The following LARGE1 variants were observed in gnomAD, a reference collection of about 807,000 sequenced individuals.
The protein encoded by LARGE1 is LARGE xylosyl- and glucuronyltransferase 1, also known as xylosyl- and glucuronyltransferase LARGE1.
LARGE1 carries 43 observed loss-of-function variants against 87.6 expected under a neutral mutation model. The observed-to-expected ratio is 0.49, with a 90% confidence interval of 0.38 to 0.63. The LOEUF is 0.63. LARGE1 is among the 30% of genes least tolerant of loss of function. The pLI is 0.00. For synonymous variants in LARGE1, 434 were observed against 394.6 expected (o/e 1.10, Z -1.18); for missense variants, 802 against 1,000.2 (o/e 0.80, Z 2.67).
chr22:33,904,724 T>C (rs907763634), intron 1 of LARGE1, among the ~76,000 whole-genome samples: 4 of 145,262 alleles, frequency 2.8e-5, no homozygotes, highest in African/African-American at 9.8e-5. Context: ...AACATCACTA[T>C]GAGTTAGGTT....
intron 12 of LARGE1, among the ~76,000 whole-genome samples, chr22:33,288,477 C>T (rs1265328751): frequency 6.6e-6 from 1 of 152,178 alleles, no homozygotes; most frequent in Admixed American, 6.5e-5. Flanking sequence ...CACTATCTAG[C>T]TCTGCATATT....
chr22:33,573,413 T>C (rs2078263965), intron 5 of LARGE1, among the ~76,000 whole-genome samples: 1 of 152,200 alleles, frequency 6.6e-6, no homozygotes, highest in Admixed American at 6.5e-5. Flanking sequence ...CACTCCAGCC[T>C]GGGCAACAAA....
At chr22:33,283,500 G>A (rs994215813) in intron 12 of LARGE1, 152 bp from the exon 13 acceptor site, 4 of 825,262 alleles carry the variant, frequency 4.8e-6, no homozygotes, top group Non-Finnish European at 8.0e-6. Flanking sequence ...ACTGGGCCAG[G>A]TGCGATGGCT....
chr22:33,807,518 T>C (rs2086350631), intron 1 of LARGE1, among the ~76,000 whole-genome samples: 1 of 152,190 alleles, frequency 6.6e-6, no homozygotes, highest in Non-Finnish European at 1.5e-5. Context: ...GAGCCTACAT[T>C]GATACATCAT....
chr22:33,411,255 T>C (rs1290330672), intron 7 of LARGE1, among the ~76,000 whole-genome samples: 1 of 152,258 alleles, frequency 6.6e-6, no homozygotes, highest in Non-Finnish European at 1.5e-5. Flanking sequence ...GGTGTTGGAA[T>C]GCTGCAGCCA....
intron 1 of LARGE1, among the ~76,000 whole-genome samples, chr22:33,818,622 A>C (rs5754697): frequency 0.99 from 151,388 of 152,320 alleles, 75,231 homozygotes; most frequent in Middle Eastern, 1. Context: ...ATAAATTAAA[A>C]TTGTTCCTTC....
chr22:33,393,807 C>T (rs1445383252), intron 7 of LARGE1, among the ~76,000 whole-genome samples: 3 of 152,176 alleles, frequency 2.0e-5, no homozygotes, highest in Non-Finnish European at 2.9e-5. Flanking sequence ...GCATGTGACC[C>T]GCAGCACTTT....
chr22:33,520,442 C>T (rs1602232013), intron 6 of LARGE1, among the ~76,000 whole-genome samples: 1 of 152,186 alleles, frequency 6.6e-6, no homozygotes, highest in Non-Finnish European at 1.5e-5. Context: ...ATCCCACAAT[C>T]CCGCAGGGAG....
chr22:33,078,632 T>C, the LARGE1 span, among the ~76,000 whole-genome samples: 1 of 152,226 alleles, frequency 6.6e-6, no homozygotes, highest in Non-Finnish European at 1.5e-5. Context: ...TGTATTGCCC[T>C]CTATGTACTC....
chr22:33,683,310 C>T (rs1016698879), intron 2 of LARGE1, among the ~76,000 whole-genome samples: 4 of 152,240 alleles, frequency 2.6e-5, no homozygotes, highest in South Asian at 2.1e-4. Context: ...AACTGCCTGT[C>T]TGACAGCTGA....
At chr22:33,239,697 C>T (rs990333774) in intron 11 of LARGE1, among the ~76,000 whole-genome samples, 1 of 151,824 alleles carries the variant, frequency 6.6e-6, no homozygotes, top group African/African-American at 2.4e-5. Flanking sequence ...TGACACCGCA[C>T]CTGGCTAGTT....
At chr22:33,355,276 A>T (rs1940785356) in intron 9 of LARGE1, among the ~76,000 whole-genome samples, 1 of 152,188 alleles carries the variant, frequency 6.6e-6, no homozygotes, top group African/African-American at 2.4e-5. Flanking sequence ...TATTGTTCAC[A>T]TTATGTGGAA....
At chr22:33,836,679 G>A (rs1405720741) in intron 1 of LARGE1, among the ~76,000 whole-genome samples, 7 of 152,044 alleles carry the variant, frequency 4.6e-5, no homozygotes, top group Non-Finnish European at 1.0e-4. Context: ...AAGCCACCTG[G>A]GTTCAAGCCT....
rs1003464322 is a variant in LARGE1 at position 33,688,512 on chromosome 22, C to T, written c.107-37844G>A. Among the ~76,000 whole-genome samples, 8 of 152,000 alleles carry T rather than the reference C, an allele frequency of 5.3e-5. No homozygotes were observed. In the East Asian group the frequency reaches 9.7e-4, roughly 18 times the overall value. On this transcript the variant is annotated intron_variant, in intron 2 of 14. Coordinates refer to ENST00000397394, the MANE Select transcript of LARGE1 (RefSeq NM_133642.5). ...GATTACAGGCATGCACCATCACGCGCGGCTAATTTTGTATTTTTAGTAGAG... is the reference window on the plus strand; with the variant it reads ...GATTACAGGCATGCACCATCACGCGTGGCTAATTTTGTATTTTTAGTAGAG...
At chr22:33,514,148 G>T (rs1330064652) in intron 6 of LARGE1, among the ~76,000 whole-genome samples, 3 of 152,124 alleles carry the variant, frequency 2.0e-5, no homozygotes, top group Non-Finnish European at 4.4e-5. Flanking sequence ...GCATTTCCCA[G>T]AACATATCCC....
intron 2 of LARGE1, among the ~76,000 whole-genome samples, chr22:33,682,279 T>C (rs922871250): frequency 3.2e-4 from 49 of 152,200 alleles, no homozygotes; most frequent in African/African-American, 9.7e-4. Context: ...ATGAAAAGAA[T>C]TGACGTTAAC....
chr22:33,146,880 CCT>C, the LARGE1 span, among the ~76,000 whole-genome samples: 3 of 152,192 alleles, frequency 2.0e-5, no homozygotes, highest in South Asian at 2.1e-4. Context: ...AGAAATGTCC[CCT>C]GTGTCCTTCC....
intron 2 of LARGE1, among the ~76,000 whole-genome samples, chr22:33,672,431 T>C (rs1488819512): frequency 6.6e-6 from 1 of 152,126 alleles, no homozygotes; most frequent in Non-Finnish European, 1.5e-5. Context: ...AGGAGTGACA[T>C]CTGATTGCCA....
At chr22:33,724,526 G>A (rs1019580863) in intron 2 of LARGE1, among the ~76,000 whole-genome samples, 13 of 152,146 alleles carry the variant, frequency 8.5e-5, no homozygotes, top group African/African-American at 2.4e-4. Context: ...CATTACCCAG[G>A]AGAGAATTAT....
Sources: allele counts gnomAD v4.1 joint callset (sites outside exome capture counted in the v4.1 genomes callset), GRCh38; gene constraint gnomAD v4.1.1; transcripts MANE v1.5; gene names NCBI Gene and HGNC (gene_info 2026-07-23, HGNC 2026-07-21).